WWOX: variants seen among roughly 807,000 people sequenced by gnomAD.
WWOX encodes WW domain-containing oxidoreductase.
In WWOX, 69 loss-of-function variants were observed where a neutral mutation model predicts 46.2. The observed-to-expected ratio is 1.49, with a 90% CI of 1.23 to 1.82. WWOX has a LOEUF of 1.82. Among genes scored for constraint, WWOX ranks in the 40% most tolerant of loss-of-function variants. The pLI, the probability that WWOX is intolerant of heterozygous loss-of-function variation, is 0.00. For missense variants in WWOX, 919 were observed against 542.6 expected, an observed-to-expected ratio of 1.69 and a Z score of -6.89; for synonymous variants, 359 against 202.6, an observed-to-expected ratio of 1.77 and a Z score of -6.56.
intron 8 of WWOX, among the ~76,000 whole-genome samples, chr16:78,597,696 A>T (rs111503565): frequency 6.6e-6 from 1 of 151,850 alleles, no homozygotes; most frequent in Admixed American, 6.6e-5. Context: ...GTGATCTTCT[A>T]TAACATAAGT....
intron 8 of WWOX, among the ~76,000 whole-genome samples, chr16:78,857,803 A>T (rs1597728967): frequency 6.6e-6 from 1 of 152,080 alleles, no homozygotes; most frequent in East Asian, 1.9e-4. Flanking sequence ...TCTGCTGTTT[A>T]TAGGAGCATA....
intron 5 of WWOX, among the ~76,000 whole-genome samples, chr16:78,277,152 T>C (rs750456830): frequency 1.3e-5 from 2 of 152,114 alleles, no homozygotes; most frequent in Non-Finnish European, 2.9e-5. Flanking sequence ...GTAAAACAAG[T>C]TTAAATCTTA....
chr16:78,723,614 T>TTTCTA (rs2048750690), intron 8 of WWOX, among the ~76,000 whole-genome samples: 2 of 87,630 alleles, frequency 2.3e-5, no homozygotes, highest in African/African-American at 9.2e-5. Context: ...TTTCTTTTCT[T>TTTCTA]TTCTTTTCTT....
chr16:79,143,041 G>GA (rs1011983563), intron 8 of WWOX, among the ~76,000 whole-genome samples: 12 of 149,670 alleles, frequency 8.0e-5, no homozygotes, highest in Non-Finnish European at 1.0e-4. Context: ...GGAGATGACA[G>GA]AAAAAAAAAT....
chr16:78,385,226 G>A (rs1011428304), intron 5 of WWOX, among the ~76,000 whole-genome samples: 2 of 151,678 alleles, frequency 1.3e-5, no homozygotes, highest in Non-Finnish European at 2.9e-5. Flanking sequence ...CAGTAATCTG[G>A]TCTGATGTGG....
At chr16:78,130,022 A>G (rs180975131) in intron 4 of WWOX, 1 of 152,232 alleles carries the variant, frequency 6.6e-6, no homozygotes, top group Non-Finnish European at 1.5e-5. Flanking sequence ...TGATGGTTTT[A>G]TAAGGGGCTT....
chr16:79,060,321 G>A (rs1358021791), intron 8 of WWOX, among the ~76,000 whole-genome samples: 2 of 152,240 alleles, frequency 1.3e-5, no homozygotes, highest in Non-Finnish European at 2.9e-5. Context: ...TGACTGTCAT[G>A]CATTTTATAG....
intron 8 of WWOX, among the ~76,000 whole-genome samples, chr16:78,457,412 C>A (rs2083845406): frequency 6.6e-6 from 1 of 152,194 alleles, no homozygotes; most frequent in African/African-American, 2.4e-5. Context: ...CCAGGTATTG[C>A]TTCGTGTCTT....
chr16:78,890,794 T>G (rs2044573420), intron 8 of WWOX: 1 of 152,240 alleles, frequency 6.6e-6, no homozygotes, highest in Non-Finnish European at 1.5e-5. Flanking sequence ...AAGGTAACAG[T>G]ATACAGGAAA....
chr16:79,094,977 C>T (rs2049039693), intron 8 of WWOX, among the ~76,000 whole-genome samples: 3 of 152,144 alleles, frequency 2.0e-5, no homozygotes, highest in African/African-American at 7.2e-5. Flanking sequence ...ATTCTTCGGG[C>T]ACACAGGAGG....
At chr16:78,819,067 G>A (rs937272859) in intron 8 of WWOX, among the ~76,000 whole-genome samples, 1 of 152,188 alleles carries the variant, frequency 6.6e-6, no homozygotes, top group Non-Finnish European at 1.5e-5. Context: ...TAGCACATGA[G>A]CAGGCCCATA....
chr16:79,058,183 C>G (rs1018398694), intron 8 of WWOX, among the ~76,000 whole-genome samples: 17 of 151,304 alleles, frequency 1.1e-4, no homozygotes, highest in African/African-American at 3.9e-4. Context: ...GAGTGTGTAC[C>G]TGTATAGAGA....
At chr16:78,414,952 A>G (rs990302069) in intron 6 of WWOX, among the ~76,000 whole-genome samples, 1 of 152,096 alleles carries the variant, frequency 6.6e-6, no homozygotes. Context: ...CTATAAAATT[A>G]AAGTAACTTT....
chr16:78,395,992 A>C (rs2082276618), intron 6 of WWOX, among the ~76,000 whole-genome samples: 1 of 152,168 alleles, frequency 6.6e-6, no homozygotes, highest in African/African-American at 2.4e-5. Flanking sequence ...CACTGCAAAT[A>C]CTAGGAATCC....
intron 8 of WWOX, among the ~76,000 whole-genome samples, chr16:78,939,197 G>A (rs1009399815): frequency 6.6e-6 from 1 of 152,060 alleles, no homozygotes; most frequent in East Asian, 1.9e-4. Flanking sequence ...AATCATCAAC[G>A]TATATTCATG....
rs545242919 is a variant in WWOX, at chr16:79,071,920, A to C, written c.1057-139688A>C. Among the ~76,000 whole-genome samples, 161 of 152,296 alleles carry C rather than the reference A, an allele frequency of 1.1e-3. 2 individuals carry two copies. The highest frequency in any genetic ancestry group is 1.6e-3 in the Non-Finnish European group (112 of 68,028). ...GTCTCATTGGGTGGTAGGGTGGCCA[A>C]ACCTTGTGTGAGCTGGCTCACTTGT... On this transcript the variant is annotated intron_variant, in intron 8 of 8. Transcript: ENST00000566780.
At chr16:78,139,318 G>A (rs527653005) in intron 4 of WWOX, among the ~76,000 whole-genome samples, 20 of 152,284 alleles carry the variant, frequency 1.3e-4, no homozygotes, top group South Asian at 1.2e-3. Context: ...TGGCGAGAGG[G>A]TGTTGCTTTT....
At chr16:78,866,907 C>G (rs1456786243) in intron 8 of WWOX, among the ~76,000 whole-genome samples, 2 of 152,228 alleles carry the variant, frequency 1.3e-5, no homozygotes, top group Admixed American at 1.3e-4. Flanking sequence ...GAGGAGCAAA[C>G]TCTTTCTTTG....
At chr16:78,228,504 A>G (rs2037144603) in intron 5 of WWOX, among the ~76,000 whole-genome samples, 1 of 151,826 alleles carries the variant, frequency 6.6e-6, no homozygotes. Flanking sequence ...ACCATGCCCA[A>G]CTAACTTTTG....
Sources: gnomAD v4.1 joint callset for allele counts (sites outside exome capture counted in the v4.1 genomes callset) on GRCh38, gnomAD v4.1.1 for gene constraint, MANE v1.5 for transcripts, NCBI Gene and HGNC (gene_info 2026-07-23, HGNC 2026-07-21) for gene names.